NCAN: variants seen among roughly 807,000 people sequenced by gnomAD.
NCAN encodes neurocan, also known as neurocan core protein.
A neutral mutation model predicts 121.8 loss-of-function variants in NCAN; 47 were observed. The observed-to-expected ratio is 0.39, with a 90% CI of 0.31 to 0.49. NCAN has a LOEUF of 0.49. Ranked by LOEUF, NCAN falls within the 20% of genes least tolerant of loss-of-function variation. NCAN has a pLI of 0.92. For missense variants in NCAN, 1,517 were observed against 1,773.4 expected, an observed-to-expected ratio of 0.86 and a Z score of 2.60; for synonymous variants, 633 against 702.0, an observed-to-expected ratio of 0.90 and a Z score of 1.55.
rs529493169 is a variant in NCAN at position 19,251,039 on chromosome 19, C to G, written c.*1128C>G. 4.5e-4 allele frequency: 68 copies of G among 152,328 alleles called. No homozygotes were observed. The highest frequency in any genetic ancestry group is 1.6e-3 in the African/African-American group (68 of 41,562). 9.4% of individuals were successfully genotyped at this position (152,328 alleles called of 1,614,324 possible). ...TTAAGTGGGAAAGAACTCACCTTGC[C>G]TTCCTCCCCCAAATGTGCAACCTGT... is the stretch of plus-strand genomic sequence containing the variant. On this transcript the variant is annotated 3_prime_UTR_variant, in exon 15 of 15. Coordinates refer to ENST00000252575, the MANE Select transcript of NCAN (RefSeq NM_004386.3).
intron 5 of NCAN, 84 bp downstream of exon 5, chr19:19,224,517 C>G: frequency 6.6e-7 from 1 of 1,519,472 alleles, no homozygotes; most frequent in Non-Finnish European, 8.9e-7. Context: ...CTCCGGGGTC[C>G]TTATGCAACT....
chr19:19,234,943 G>A (rs759189175), intron 9 of NCAN, 40 bp from the exon 10 acceptor site: 3 of 1,400,540 alleles, frequency 2.1e-6, no homozygotes, highest in Admixed American at 3.6e-5. Flanking sequence ...GAGCCAAGGG[G>A]AAGCTGACCT....
chr19:19,213,689 G>A (rs887751087), intron 1 of NCAN, among the ~76,000 whole-genome samples: 2 of 152,072 alleles, frequency 1.3e-5, no homozygotes, highest in Non-Finnish European at 2.9e-5. Flanking sequence ...ATCTGGAGGG[G>A]CCAAGGGTTC....
intron 1 of NCAN, 134 bp from the exon 2 acceptor site, chr19:19,216,813 C>G (rs1254542184): frequency 4.9e-5 from 24 of 485,930 alleles, no homozygotes. Flanking sequence ...CTTCTGTGAC[C>G]TAGAATAACA....
At chr19:19,230,319 AC>A (rs1335353515) in intron 8 of NCAN, among the ~76,000 whole-genome samples, 1 of 151,852 alleles carries the variant, frequency 6.6e-6, no homozygotes, top group Non-Finnish European at 1.5e-5. Context: ...TGCTGGGATT[AC>A]AACTGTGAGC....
intron 8 of NCAN, among the ~76,000 whole-genome samples, chr19:19,230,883 CTGTGTGTGTG>C (rs367759381): frequency 1.6e-4 from 19 of 121,836 alleles, no homozygotes; most frequent in East Asian, 5.0e-4. Flanking sequence ...CCACACCCGG[CTGTGTGTGTG>C]TGTGTGTGTG....
intron 2 of NCAN, 39 bp downstream of exon 2, chr19:19,217,065 G>C: frequency 7.7e-7 from 1 of 1,296,232 alleles, no homozygotes; most frequent in Non-Finnish European, 9.9e-7. Flanking sequence ...TGGGGTCTAG[G>C]GGATGGACAA....
intron 3 of NCAN, among the ~76,000 whole-genome samples, chr19:19,220,450 C>CTTTTTTTTTTTTT (rs71170607): frequency 1.4e-5 from 1 of 72,692 alleles, no homozygotes. Context: ...TTAGGCAATT[C>CTTTTTTTTTTTTT]TTTTTTTTTT....
At chr19:19,237,991 C>A (rs762525156) in intron 10 of NCAN, among the ~76,000 whole-genome samples, 1 of 151,862 alleles carries the variant, frequency 6.6e-6, no homozygotes, top group Non-Finnish European at 1.5e-5. Context: ...AGCAGTGAGC[C>A]GAGATTGTGC....
chr19:19,226,565 G>C lies in NCAN; in HGVS notation c.1152G>C (p.Gly384=), dbSNP rs1020743735. Reference sequence around the variant, plus strand: ...AGGGGGAGATTCTGTCAGCAGAGGGGCCCCCAGTTAGAGAACTGGAGCCCA... The same window carrying C: ...AGGGGGAGATTCTGTCAGCAGAGGGCCCCCCAGTTAGAGAACTGGAGCCCA... ...GDEGEILSAE[G]PPVRELEPTL... Residue 384 remains glycine, a synonymous_variant, in exon 7 of 15, where the codon GGG becomes GGC. Transcript: ENST00000252575. The C allele has an allele frequency of 3.7e-6, 6 of 1,613,492 alleles. No homozygotes were observed. The highest frequency in any genetic ancestry group is 1.6e-4 in the Middle Eastern group (1 of 6,078).
intron 12 of NCAN, 95 bp from the exon 13 acceptor site, chr19:19,245,218 A>T: frequency 6.9e-7 from 1 of 1,457,012 alleles, no homozygotes; most frequent in Non-Finnish European, 9.3e-7. Flanking sequence ...TGTGAGTTTG[A>T]GGGGTCTGGC....
chr19:19,215,634 C>T (rs1295006304), intron 1 of NCAN, among the ~76,000 whole-genome samples: 1 of 152,174 alleles, frequency 6.6e-6, no homozygotes, highest in Non-Finnish European at 1.5e-5. Context: ...CCCCTTCCTC[C>T]AGCTGGGAGT....
chr19:19,224,076 G>T lies in NCAN; in HGVS notation c.531G>T (p.Glu177Asp), dbSNP rs1188840823. 5.0e-6 allele frequency: 8 copies of T among 1,600,874 alleles called. No individual in the cohort carries two copies. The African/African-American group carries it at 8.0e-5, about 16-fold the overall frequency. The change falls in exon 4 of 15, where the codon GAG becomes GAT. Residue 177 changes from glutamate to aspartate, a missense_variant. By Grantham distance (45) the Glu-to-Asp change is conservative (BLOSUM62 2). Transcript: ENST00000252575. ...ARDRYALTFA[E>D]AQEACRLSSA... ...ACCGCTATGCACTGACCTTCGCTGAGGCCCAGGAGGCCTGCCGTCTCAGCT... is the reference window on the plus strand; with the variant it reads ...ACCGCTATGCACTGACCTTCGCTGATGCCCAGGAGGCCTGCCGTCTCAGCT...
At position 19,232,376 on chromosome 19, in the gene NCAN, G is replaced by A. The variant is rs144374553; in HGVS notation, c.3020-1413G>A. Among the ~76,000 whole-genome samples the A allele has an allele frequency of 6.4e-3, 969 of 152,342 alleles. 9 individuals are homozygous for A. Among genetic ancestry groups the A allele is most frequent in the African/African-American group, 0.022 (920 of 41,578 alleles). ...CAGTCCGTGGGCAGGTGTCAGCAGC[G>A]CGGGGCACCTGGCGGGGCTCATGTG... On this transcript the variant is annotated intron_variant, in intron 8 of 14. Coordinates refer to ENST00000252575, the MANE Select transcript of NCAN (RefSeq NM_004386.3).
At position 19,225,481 on chromosome 19, in the gene NCAN, C is replaced by A. The variant is rs985433969; in HGVS notation, c.1072+211C>A. On this transcript the variant is annotated intron_variant, in intron 6 of 14. Transcript: ENST00000252575. The surrounding 1 kb of genome is among the most constrained non-coding windows in gnomAD (Gnocchi z 4.0). ...GCCCCGTCCTGGGTAAAGAACAGGG[C>A]TCCAGAGGAGGCCACTCTGGTGGGG... Among the ~76,000 whole-genome samples, 2 of 152,196 alleles carry A rather than the reference C, an allele frequency of 1.3e-5. No homozygotes were observed. Among genetic ancestry groups the A allele is most frequent in the African/African-American group, 4.8e-5 (2 of 41,454 alleles).
chr19:19,218,877 C>G (rs2146536991), intron 2 of NCAN, 38 bp from the exon 3 acceptor site: 1 of 1,464,210 alleles, frequency 6.8e-7, no homozygotes, highest in South Asian at 1.5e-5. Context: ...TGGTTCTTGC[C>G]TCTGAATCAG....
intron 5 of NCAN, 78 bp downstream of exon 5, chr19:19,224,511 G>A (rs1020346804): frequency 2.5e-5 from 38 of 1,541,972 alleles, no homozygotes; most frequent in Admixed American, 9.1e-5. Context: ...CCCATCCTCC[G>A]GGGTCCTTAT....
At chr19:19,218,076 G>A (rs571460697) in intron 2 of NCAN, among the ~76,000 whole-genome samples, 6 of 151,186 alleles carry the variant, frequency 4.0e-5, no homozygotes, top group African/African-American at 1.5e-4. Context: ...GTCAGGAATT[G>A]GAGACCAGCC....
chr19:19,222,225 G>A (rs757966285), intron 3 of NCAN, among the ~76,000 whole-genome samples: 1 of 152,162 alleles, frequency 6.6e-6, no homozygotes, highest in African/African-American at 2.4e-5. Context: ...CTGATTGGTG[G>A]TGAGGCAAGT....
Sources: gnomAD v4.1 joint callset for allele counts (sites outside exome capture counted in the v4.1 genomes callset) on GRCh38, gnomAD v4.1.1 for gene constraint, Gnocchi (gnomAD v3.1) non-coding constraint, MANE v1.5 for transcripts, NCBI Gene and HGNC (gene_info 2026-07-23, HGNC 2026-07-21) for gene names.